Variants in CADPS observed in about 807,000 individuals in gnomAD.
The protein encoded by CADPS is calcium-dependent secretion activator 1.
Under a neutral mutation model 167.3 loss-of-function variants are expected in CADPS, and 57 were observed. The ratio of observed to expected loss-of-function variants is 0.34; its 90% CI spans 0.28 to 0.42. The LOEUF is 0.42. CADPS is among the 20% of genes least tolerant of loss of function. The probability of loss-of-function intolerance (pLI) is 1.00; values close to 1 mark genes in which losing one functional copy is unlikely to be tolerated. For synonymous variants in CADPS, 676 were observed against 635.3 expected (o/e 1.06, Z -0.96); for missense variants, 1,414 against 1,738.1 (o/e 0.81, Z 3.32).
chr3:62,698,269 C>T (rs929796428), intron 3 of CADPS, among the ~76,000 whole-genome samples: 1 of 152,188 alleles, frequency 6.6e-6, no homozygotes, highest in East Asian at 1.9e-4. Context: ...AAAGAGGGAA[C>T]TGAAGAGCTG....
intron 26 of CADPS, among the ~76,000 whole-genome samples, chr3:62,460,260 A>C (rs1204284620): frequency 2.0e-5 from 3 of 152,218 alleles, no homozygotes; most frequent in Non-Finnish European, 2.9e-5. Flanking sequence ...GTATGTGTTC[A>C]ATAAACGCCA....
intron 26 of CADPS, among the ~76,000 whole-genome samples, chr3:62,463,687 C>T (rs1166404163): frequency 6.6e-6 from 1 of 152,166 alleles, no homozygotes; most frequent in Non-Finnish European, 1.5e-5. Flanking sequence ...CAAATCACTC[C>T]CCTCTCTGGG....
chr3:62,860,760 C>T (rs1048838812), intron 1 of CADPS, among the ~76,000 whole-genome samples: 2 of 152,150 alleles, frequency 1.3e-5, no homozygotes, highest in Non-Finnish European at 2.9e-5. Flanking sequence ...GATCAGGAAT[C>T]TTATGCTTCC....
chr3:62,445,713 A>G (rs1474919217), intron 27 of CADPS, 52 bp downstream of exon 27: 7 of 710,348 alleles, frequency 9.9e-6, no homozygotes, highest in Non-Finnish European at 1.9e-6. Context: ...AGTAAAAATG[A>G]AAAAAAAAAA....
intron 2 of CADPS, among the ~76,000 whole-genome samples, chr3:62,761,411 A>C (rs540584327): frequency 1.4e-4 from 22 of 152,176 alleles, no homozygotes; most frequent in African/African-American, 4.3e-4. Context: ...ACAACAACAA[A>C]AAAACAACAC....
intron 4 of CADPS, among the ~76,000 whole-genome samples, chr3:62,654,695 C>T (rs1337315359): frequency 6.6e-6 from 1 of 152,142 alleles, no homozygotes; most frequent in Non-Finnish European, 1.5e-5. Flanking sequence ...GAGCCTGAAA[C>T]TCATTACACT....
At chr3:62,639,603 T>C (rs2067014568) in intron 6 of CADPS, among the ~76,000 whole-genome samples, 1 of 152,214 alleles carries the variant, frequency 6.6e-6, no homozygotes, top group East Asian at 1.9e-4. Context: ...GCTCAATAAA[T>C]ACTAGTTTAC....
chr3:62,599,691 T>TACATAGTATATATAATATATATAA (rs2059473793), intron 6 of CADPS, among the ~76,000 whole-genome samples: 1 of 40,564 alleles, frequency 2.5e-5, no homozygotes, highest in Non-Finnish European at 3.8e-5. Flanking sequence ...TTATATAATA[T>TACATAGTATATATAATATATATAA]TATAATATAT....
In CADPS at chr3:62,765,906, C is replaced by T. The variant is rs1395502026; in HGVS notation, c.520G>A (p.Glu174Lys). The T allele has an allele frequency of 6.2e-6, 10 of 1,612,808 alleles. No individual in the cohort carries two copies. The highest frequency in any genetic ancestry group is 1.1e-5 in the South Asian group (1 of 91,038). Residue 174 changes from glutamate to lysine, a missense_variant, in exon 2 of 30, where the codon GAA (glutamate) becomes AAA (lysine). By Grantham distance (56) the Glu-to-Lys change is moderately conservative. Coordinates refer to ENST00000383710, the MANE Select transcript of CADPS (RefSeq NM_003716.4). ...CTCTGCACAGCGTTCATGAAGGCTTCGTCAGCCATGATCTGGGTTTCCCCA... is the reference window on the plus strand; with the variant it reads ...CTCTGCACAGCGTTCATGAAGGCTTTGTCAGCCATGATCTGGGTTTCCCCA... The part of the protein sequence containing the change: ...LNGETQIMAD[E>K]AFMNAVQSYY...
chr3:62,482,768 A>G (rs2062192845), intron 21 of CADPS, among the ~76,000 whole-genome samples: 1 of 152,196 alleles, frequency 6.6e-6, no homozygotes, highest in Non-Finnish European at 1.5e-5. Context: ...GATCTGTGTG[A>G]TGGCTTACAT....
intron 6 of CADPS, among the ~76,000 whole-genome samples, chr3:62,633,699 TCTC>T (rs1264367754): frequency 3.3e-5 from 5 of 152,064 alleles, no homozygotes; most frequent in African/African-American, 4.8e-5. Flanking sequence ...ACTTGGTAAA[TCTC>T]CACCAAATCA....
Position 62,478,078 on chromosome 3 carries a change from G to C in CADPS, c.3329+183C>G. 1 of 617,610 alleles carries C rather than the reference G, an allele frequency of 1.6e-6. No individual in the cohort carries two copies. The highest frequency in any genetic ancestry group is 2.5e-5 in the South Asian group (1 of 39,414). The allele number at this position is 617,610 out of a possible 1,614,324, so 38.3% of individuals were successfully genotyped here. ...GCCAGATTATTTTGGGTTTGGGACA[G>C]ATGGAGGGCAGGTGAATGGAAGTTA... On this transcript the variant is annotated intron_variant, in intron 23 of 29. Transcript: ENST00000383710. The surrounding 1 kb of genome is among the most constrained non-coding windows in gnomAD (Gnocchi z 5.7).
rs556419280 is a variant in CADPS, at chr3:62,763,347, C to A, written c.555+2524G>T. On this transcript the variant is annotated intron_variant, in intron 2 of 29. Coordinates refer to ENST00000383710, the MANE Select transcript of CADPS (RefSeq NM_003716.4). ...GTCTTCCACATGGAGAGAAGCTGAC[C>A]AAGAAGGAAGTCAACACAGGGATGA... is the stretch of plus-strand genomic sequence containing the variant. Among the ~76,000 whole-genome samples the A allele has an allele frequency of 1.4e-4, 22 of 152,204 alleles. 1 individual carries two copies. The South Asian group carries it at 4.6e-3, about 32-fold the overall frequency.
intron 28 of CADPS, among the ~76,000 whole-genome samples, chr3:62,435,000 C>A (rs908276071): frequency 6.6e-6 from 1 of 152,034 alleles, no homozygotes; most frequent in Non-Finnish European, 1.5e-5. Context: ...GAGAATGACA[C>A]AACAGTCAGA....
At chr3:62,489,335 T>C (rs2063335527) in intron 21 of CADPS, among the ~76,000 whole-genome samples, 2 of 152,168 alleles carry the variant, frequency 1.3e-5, no homozygotes, top group Admixed American at 1.3e-4. Flanking sequence ...TAATTTTTTG[T>C]ATTTTTAGTA....
At chr3:62,832,335 A>G (rs2075233440) in intron 1 of CADPS, among the ~76,000 whole-genome samples, 1 of 152,222 alleles carries the variant, frequency 6.6e-6, no homozygotes, top group South Asian at 2.1e-4. Context: ...TAAGGGATAA[A>G]GTGGCATTAT....
intron 3 of CADPS, among the ~76,000 whole-genome samples, chr3:62,693,244 C>T (rs993972164): frequency 1.3e-5 from 2 of 152,054 alleles, no homozygotes; most frequent in Non-Finnish European, 2.9e-5. Context: ...GTAACTCCCT[C>T]TGTTCATTTC....
chr3:62,802,784 G>A (rs1164912680), intron 1 of CADPS, among the ~76,000 whole-genome samples: 1 of 152,118 alleles, frequency 6.6e-6, no homozygotes, highest in Non-Finnish European at 1.5e-5. Context: ...GTTCATTATG[G>A]TGTACAATCT....
intron 6 of CADPS, among the ~76,000 whole-genome samples, chr3:62,595,545 C>G (rs1227009101): frequency 1.3e-5 from 2 of 152,202 alleles, no homozygotes; most frequent in Non-Finnish European, 2.9e-5. Context: ...AAGTTTGGAA[C>G]AGGTTGAGAA....
Sources: gnomAD v4.1 joint callset for allele counts (sites outside exome capture counted in the v4.1 genomes callset) on GRCh38, gnomAD v4.1.1 for gene constraint, Gnocchi (gnomAD v3.1) non-coding constraint, MANE v1.5 for transcripts, NCBI Gene and HGNC (gene_info 2026-07-23, HGNC 2026-07-21) for gene names.